EPC2: variants seen among roughly 807,000 people sequenced by gnomAD.
EPC2 encodes enhancer of polycomb homolog 2.
Under a neutral mutation model 92.1 loss-of-function variants are expected in EPC2, and 14 were observed. That is an observed-to-expected ratio of 0.15 (90% CI 0.10 to 0.24). The LOEUF (loss-of-function observed/expected upper bound fraction) is 0.24, where lower values mean the gene tolerates loss of function less well. EPC2 is among the 10% of genes least tolerant of loss of function. EPC2 has a pLI of 1.00. For synonymous variants in EPC2, 340 were observed against 334.7 expected (o/e 1.02, Z -0.17); for missense variants, 755 against 971.5 (o/e 0.78, Z 2.96).
intron 2 of EPC2, among the ~76,000 whole-genome samples, chr2:148,722,769 A>T (rs577808933): frequency 1.3e-5 from 2 of 152,362 alleles, no homozygotes; most frequent in African/African-American, 4.8e-5. Flanking sequence ...CGTGGAGTCA[A>T]CCTAAATGCC....
intron 2 of EPC2, among the ~76,000 whole-genome samples, chr2:148,730,749 T>G (rs149955580): frequency 6.6e-6 from 1 of 152,332 alleles, no homozygotes; most frequent in African/African-American, 2.4e-5. Context: ...TGGTTTTATT[T>G]AAATACTTCT....
In EPC2 at chr2:148,770,948, T is replaced by C. The variant is rs1418648436; in HGVS notation, c.1376+11T>C. The stretch of plus-strand genomic sequence containing the variant: ...TGGCAGAGGTGGAAGGTGAAGTATT[T>C]GTTTTCACCTGGTTTTTGTTTGCTA... On this transcript the variant is annotated intron_variant, in intron 9 of 13. Coordinates refer to ENST00000258484, the MANE Select transcript of EPC2 (RefSeq NM_015630.4). 1.2e-6 allele frequency: 2 copies of C among 1,605,118 alleles called. No homozygotes were observed. Among genetic ancestry groups the C allele is most frequent in the Middle Eastern group, 3.3e-4 (2 of 5,996 alleles).
At chr2:148,762,962 A>G (rs943743089) in intron 6 of EPC2, among the ~76,000 whole-genome samples, 160 bp downstream of exon 6, 1 of 152,134 alleles carries the variant, frequency 6.6e-6, no homozygotes, top group African/African-American at 2.4e-5. Context: ...GTATTTATAT[A>G]CATACTGACC....
At chr2:148,683,078 A>ATT (rs936686288) in intron 1 of EPC2, among the ~76,000 whole-genome samples, 9 of 147,184 alleles carry the variant, frequency 6.1e-5, no homozygotes, top group African/African-American at 2.0e-4. Flanking sequence ...AGGATCTTAA[A>ATT]TTTTTTTTTT....
intron 10 of EPC2, among the ~76,000 whole-genome samples, chr2:148,780,858 T>C (rs1683734294): frequency 6.6e-6 from 1 of 152,212 alleles, no homozygotes; most frequent in African/African-American, 2.4e-5. Context: ...AACTTATCAG[T>C]GATCTACTTA....
At chr2:148,724,108 C>A (rs898535951) in intron 2 of EPC2, among the ~76,000 whole-genome samples, 2 of 152,010 alleles carry the variant, frequency 1.3e-5, no homozygotes, top group African/African-American at 4.8e-5. Context: ...AATTTATAAT[C>A]TTATTCTGAA....
chr2:148,774,839 G>A (rs978430147), intron 10 of EPC2, among the ~76,000 whole-genome samples: 12 of 151,644 alleles, frequency 7.9e-5, no homozygotes, highest in African/African-American at 2.9e-4. Context: ...TGTAATCCCA[G>A]CACTTTGGGA....
intron 2 of EPC2, among the ~76,000 whole-genome samples, chr2:148,699,148 T>C (rs1405651649): frequency 6.6e-6 from 1 of 152,196 alleles, no homozygotes; most frequent in Non-Finnish European, 1.5e-5. Flanking sequence ...AATAAGATTT[T>C]AGGCTTTTTA....
intron 1 of EPC2, among the ~76,000 whole-genome samples, chr2:148,674,260 T>C (rs955984176): frequency 1.3e-5 from 2 of 152,236 alleles, no homozygotes; most frequent in African/African-American, 4.8e-5. Flanking sequence ...CTCTTGTCTC[T>C]GTGTGTGGTA....
At chr2:148,713,482 A>T (rs1484329719) in intron 2 of EPC2, among the ~76,000 whole-genome samples, 2 of 152,214 alleles carry the variant, frequency 1.3e-5, no homozygotes, top group Non-Finnish European at 2.9e-5. Context: ...TAAAGTGAAA[A>T]AGTTACAGTA....
chr2:148,744,034 G>A (rs1313634266), intron 3 of EPC2, among the ~76,000 whole-genome samples: 1 of 152,042 alleles, frequency 6.6e-6, no homozygotes, highest in African/African-American at 2.4e-5. Context: ...CTTTCCATAT[G>A]ACTAGTATTG....
chr2:148,726,268 C>T (rs931722134), intron 2 of EPC2, among the ~76,000 whole-genome samples: 4 of 152,122 alleles, frequency 2.6e-5, no homozygotes, highest in Admixed American at 6.6e-5. Context: ...GATGTGGACA[C>T]GTCTCTTCAA....
chr2:148,668,806 A>G (rs1681101801), intron 1 of EPC2, among the ~76,000 whole-genome samples: 1 of 151,822 alleles, frequency 6.6e-6, no homozygotes, highest in Non-Finnish European at 1.5e-5. Context: ...CTAGAGGTTT[A>G]TCAATTTTAT....
chr2:148,701,634 A>G (rs2105377714), intron 2 of EPC2, among the ~76,000 whole-genome samples: 1 of 152,278 alleles, frequency 6.6e-6, no homozygotes, highest in East Asian at 1.9e-4. Context: ...TGCTATAATA[A>G]TACTTTGTTG....
chr2:148,713,336 A>C (rs546621921), intron 2 of EPC2, among the ~76,000 whole-genome samples: 66 of 152,324 alleles, frequency 4.3e-4, no homozygotes, highest in Non-Finnish European at 7.2e-4. Context: ...TTTATGTCTT[A>C]GTTTTTGACA....
intron 2 of EPC2, among the ~76,000 whole-genome samples, chr2:148,715,951 C>T (rs1386863475): frequency 2.0e-5 from 3 of 151,958 alleles, no homozygotes; most frequent in Non-Finnish European, 4.4e-5. Context: ...CCCTTATTAG[C>T]TGTATTTCCA....
chr2:148,654,614 C>T (rs1680752902), intron 1 of EPC2, among the ~76,000 whole-genome samples: 1 of 152,046 alleles, frequency 6.6e-6, no homozygotes, highest in Non-Finnish European at 1.5e-5. Flanking sequence ...ACTGTGATAG[C>T]GCCACTGCAC....
chr2:148,710,701 A>G (rs531242099), intron 2 of EPC2, among the ~76,000 whole-genome samples: 11 of 152,322 alleles, frequency 7.2e-5, no homozygotes, highest in East Asian at 1.9e-4. Context: ...TTGTAGGGAC[A>G]TGGATGAAGC....
intron 2 of EPC2, among the ~76,000 whole-genome samples, chr2:148,720,135 G>A (rs79850237): frequency 0.025 from 3,820 of 152,328 alleles, 54 homozygotes; most frequent in East Asian, 0.031. Context: ...GTCAGGCCAT[G>A]GCTGGAGGGC....
Sources: gnomAD v4.1 joint callset for allele counts (sites outside exome capture counted in the v4.1 genomes callset) on GRCh38, gnomAD v4.1.1 for gene constraint, MANE v1.5 for transcripts, NCBI Gene and HGNC (gene_info 2026-07-23, HGNC 2026-07-21) for gene names.